The following NR6A1 variants were observed in gnomAD, a reference collection of about 807,000 sequenced individuals.
The protein encoded by NR6A1 is nuclear receptor subfamily 6 group A member 1, also known as retinoic acid receptor-related testis-associated receptor.
A neutral mutation model predicts 59.1 loss-of-function variants in NR6A1; 7 were observed. The observed-to-expected ratio is 0.12, with a 90% CI of 0.07 to 0.22. The LOEUF (loss-of-function observed/expected upper bound fraction) is 0.22. Ranked by LOEUF, NR6A1 falls within the 10% of genes least tolerant of loss-of-function variation. The probability of loss-of-function intolerance (pLI) is 1.00; values close to 1 mark genes in which losing one functional copy is unlikely to be tolerated. For synonymous variants in NR6A1, 243 were observed against 236.1 expected (o/e 1.03, Z -0.27); for missense variants, 468 against 611.6 (o/e 0.77, Z 2.48).
chr9:124,578,259 T>A (rs1294178074), intron 2 of NR6A1, among the ~76,000 whole-genome samples: 1 of 152,146 alleles, frequency 6.6e-6, no homozygotes, highest in East Asian at 1.9e-4. Flanking sequence ...AGTGGATCCT[T>A]AAACCAAAAC....
intron 2 of NR6A1, among the ~76,000 whole-genome samples, chr9:124,700,281 G>A (rs564997063): frequency 9.3e-4 from 141 of 151,976 alleles, no homozygotes; most frequent in Non-Finnish European, 1.4e-3. Flanking sequence ...TGCAATCTCC[G>A]TCTCCCAGGT....
intron 2 of NR6A1, among the ~76,000 whole-genome samples, chr9:124,583,427 T>C (rs1347999695): frequency 1.3e-5 from 2 of 152,188 alleles, no homozygotes; most frequent in Admixed American, 1.3e-4. Context: ...GACAGTTTCT[T>C]GAAGTGTTAA....
intron 1 of NR6A1, among the ~76,000 whole-genome samples, chr9:124,752,643 A>G (rs74522426): frequency 3.2e-3 from 482 of 152,296 alleles, no homozygotes; most frequent in Non-Finnish European, 5.4e-3. Flanking sequence ...GGGAATGTTT[A>G]TGATGTCTTT....
chr9:124,717,819 T>C (rs1223512219), intron 2 of NR6A1, among the ~76,000 whole-genome samples: 1 of 152,208 alleles, frequency 6.6e-6, no homozygotes. Context: ...AAACTGTCAG[T>C]TTCCTCATCT....
intron 1 of NR6A1, among the ~76,000 whole-genome samples, chr9:124,761,266 A>T (rs1282295428): frequency 6.6e-6 from 1 of 152,232 alleles, no homozygotes; most frequent in Non-Finnish European, 1.5e-5. Flanking sequence ...ACATTACATG[A>T]AACTCCAAGA....
At chr9:124,767,829 G>A (rs543166396) in intron 1 of NR6A1, among the ~76,000 whole-genome samples, 10 of 152,192 alleles carry the variant, frequency 6.6e-5, no homozygotes, top group Non-Finnish European at 1.5e-4. Context: ...TACTTATAAT[G>A]GCTTATAACC....
intron 2 of NR6A1, among the ~76,000 whole-genome samples, chr9:124,644,060 C>A (rs1836856320): frequency 6.6e-6 from 1 of 151,774 alleles, no homozygotes; most frequent in African/African-American, 2.4e-5. Context: ...GCCACCATGC[C>A]CTGCTAATTT....
At chr9:124,705,066 A>G (rs761587186) in intron 2 of NR6A1, among the ~76,000 whole-genome samples, 3 of 152,160 alleles carry the variant, frequency 2.0e-5, no homozygotes, top group Non-Finnish European at 2.9e-5. Context: ...TTTGCCTTGG[A>G]ATTTCTTCTT....
intron 2 of NR6A1, among the ~76,000 whole-genome samples, chr9:124,580,423 A>G (rs192995800): frequency 7.2e-5 from 11 of 152,192 alleles, no homozygotes; most frequent in African/African-American, 2.4e-4. Flanking sequence ...GCATGAAAGA[A>G]GGTTTTTTTT....
intron 2 of NR6A1, among the ~76,000 whole-genome samples, chr9:124,576,648 G>A (rs747046582): frequency 3.3e-5 from 5 of 152,268 alleles, no homozygotes; most frequent in South Asian, 4.2e-4. Context: ...TAATGTCTCC[G>A]AGCTTTGGTT....
chr9:124,609,320 T>C (rs1448540744), intron 2 of NR6A1, among the ~76,000 whole-genome samples: 1 of 152,240 alleles, frequency 6.6e-6, no homozygotes, highest in African/African-American at 2.4e-5. Context: ...TTCAATTTTC[T>C]GCATATGACT....
At chr9:124,717,846 C>A (rs1208259480) in intron 2 of NR6A1, among the ~76,000 whole-genome samples, 1 of 152,066 alleles carries the variant, frequency 6.6e-6, no homozygotes, top group Non-Finnish European at 1.5e-5. Flanking sequence ...TGGGGCAGAA[C>A]AAGAGTTGAG....
At chr9:124,770,772 G>C (rs1207304363) in intron 1 of NR6A1, among the ~76,000 whole-genome samples, 2 of 149,150 alleles carry the variant, frequency 1.3e-5, no homozygotes, top group Non-Finnish European at 3.0e-5. Flanking sequence ...CGGTGCCCAG[G>C]GACCCGGGCA....
At chr9:124,607,779 C>CA (rs1835615520) in intron 2 of NR6A1, among the ~76,000 whole-genome samples, 1 of 152,100 alleles carries the variant, frequency 6.6e-6, no homozygotes, top group African/African-American at 2.4e-5. Context: ...GCACGGTGGC[C>CA]AACACCTACA....
In NR6A1 at chr9:124,522,680, G is replaced by A; in HGVS notation, c.*25C>T. 1 of 1,548,826 alleles carries A rather than the reference G, an allele frequency of 6.5e-7. No homozygotes were observed. The highest frequency in any genetic ancestry group is 8.7e-7 in the Non-Finnish European group (1 of 1,144,836). On this transcript the variant is annotated 3_prime_UTR_variant, in exon 10 of 10. Coordinates refer to ENST00000487099, the MANE Select transcript of NR6A1 (RefSeq NM_033334.4). ...CTGCCCACCCAAGACGCTGTGGTTG[G>A]CCTGAGGAGGGCGCCTGGAACAGGT...
At chr9:124,720,331 G>A (rs909229739) in intron 2 of NR6A1, among the ~76,000 whole-genome samples, 2 of 152,098 alleles carry the variant, frequency 1.3e-5, no homozygotes, top group African/African-American at 2.4e-5. Flanking sequence ...GATTACAGGC[G>A]CGAGCCACCA....
At chr9:124,583,402 C>A (rs1445665258) in intron 2 of NR6A1, among the ~76,000 whole-genome samples, 1 of 152,220 alleles carries the variant, frequency 6.6e-6, no homozygotes, top group Non-Finnish European at 1.5e-5. Flanking sequence ...ATAGCATGCT[C>A]TCCCTAAATC....
intron 2 of NR6A1, among the ~76,000 whole-genome samples, chr9:124,618,368 A>G (rs918612567): frequency 1.1e-4 from 17 of 152,280 alleles, no homozygotes; most frequent in Admixed American, 1.1e-3. Flanking sequence ...CTGTAATCCC[A>G]GCTACTCAGG....
At chr9:124,555,669 C>T (rs945872346) in intron 2 of NR6A1, among the ~76,000 whole-genome samples, 2 of 152,072 alleles carry the variant, frequency 1.3e-5, no homozygotes, top group African/African-American at 2.4e-5. Flanking sequence ...AATTAGAGAC[C>T]GCTTATAATT....
Sources: gnomAD v4.1 joint callset for allele counts (sites outside exome capture counted in the v4.1 genomes callset) on GRCh38, gnomAD v4.1.1 for gene constraint, MANE v1.5 for transcripts, NCBI Gene and HGNC (gene_info 2026-07-23, HGNC 2026-07-21) for gene names.